The following METAP2 variants were observed in gnomAD, a reference collection of about 807,000 sequenced individuals.
METAP2 encodes methionyl aminopeptidase 2.
A neutral mutation model predicts 59.4 loss-of-function variants in METAP2; 25 were observed. That is an observed-to-expected ratio of 0.42 (90% CI 0.31 to 0.59). The LOEUF (loss-of-function observed/expected upper bound fraction) is 0.59, where lower values mean the gene tolerates loss of function less well. Among genes scored for constraint, METAP2 ranks in the 20% least tolerant of loss-of-function variants. The pLI is 0.16. For synonymous variants in METAP2, 214 were observed against 194.1 expected, an observed-to-expected ratio of 1.10 and a Z score of -0.85; for missense variants, 366 against 581.2, an observed-to-expected ratio of 0.63 and a Z score of 3.81.
chr12:95,501,760 T>G (rs1456862903), intron 7 of METAP2, among the ~76,000 whole-genome samples: 1 of 150,390 alleles, frequency 6.6e-6, no homozygotes, highest in Non-Finnish European at 1.5e-5. Flanking sequence ...TTAAGTCATG[T>G]GGAAAACAAA....
chr12:95,476,543 G>GAAAGA (rs1242677322), intron 2 of METAP2, among the ~76,000 whole-genome samples: 1 of 139,872 alleles, frequency 7.1e-6, no homozygotes, highest in African/African-American at 2.8e-5. Context: ...AGAAAGAAAA[G>GAAAGA]CTAGAAAATG....
intron 2 of METAP2, among the ~76,000 whole-genome samples, chr12:95,479,700 C>G (rs1022464852): frequency 1.6e-4 from 24 of 151,778 alleles, no homozygotes; most frequent in African/African-American, 5.6e-4. Flanking sequence ...CCTCTGCCTT[C>G]CGGGTTCCAG....
At chr12:95,496,169 G>A (rs2076274063) in intron 7 of METAP2, 71 bp downstream of exon 7, 3 of 952,660 alleles carry the variant, frequency 3.1e-6, no homozygotes, top group South Asian at 3.2e-5. Context: ...ACACTTAACA[G>A]CATTTAAGCA....
intron 4 of METAP2, among the ~76,000 whole-genome samples, chr12:95,486,781 G>A (rs1386288525): frequency 1.3e-5 from 2 of 152,154 alleles, no homozygotes; most frequent in Non-Finnish European, 2.9e-5. Flanking sequence ...ACAGGCATGA[G>A]CCACTGCGCC....
chr12:95,512,148 G>A, intron 9 of METAP2, 150 bp downstream of exon 9: 1 of 602,758 alleles, frequency 1.7e-6, no homozygotes, highest in Non-Finnish European at 2.9e-6. Flanking sequence ...ATTTGAATTT[G>A]CAAATTGTGT....
In METAP2 at chr12:95,515,446, C is replaced by A. The variant is rs976635508; in HGVS notation, c.*1542C>A. The A allele has an allele frequency of 6.6e-6, 1 of 152,224 alleles. No individual in the cohort carries two copies. The highest frequency in any genetic ancestry group is 1.5e-5 in the Non-Finnish European group (1 of 68,050). The allele number at this position is 152,224 out of a possible 1,614,324, so 9.4% of individuals were successfully genotyped here. ...TGTCAGGGCTGGGCCCTCCAGCTAG[C>A]TCCTTTGGGGTTGAGTCCGTATCTT... On this transcript the variant is annotated 3_prime_UTR_variant, in exon 11 of 11. Coordinates refer to ENST00000323666, the MANE Select transcript of METAP2 (RefSeq NM_006838.4).
intron 4 of METAP2, among the ~76,000 whole-genome samples, chr12:95,493,364 C>T (rs2076253628): frequency 6.6e-6 from 1 of 152,276 alleles, no homozygotes; most frequent in Non-Finnish European, 1.5e-5. Flanking sequence ...CACCTGTATA[C>T]TCCCAGCTGC....
rs200641499 is a variant in METAP2, at chr12:95,514,062, G to A, written c.*158G>A. On this transcript the variant is annotated 3_prime_UTR_variant, in exon 11 of 11. Transcript: ENST00000323666. ...GAAGGAATTTGGACAAAGGCAAACC[G>A]TCTAATGTAATTAACCAACGAAAAA... The A allele has an allele frequency of 2.2e-5, 19 of 859,550 alleles. No homozygotes were observed. The highest frequency in any genetic ancestry group is 1.0e-4 in the Admixed American group (3 of 28,586). The allele number at this position is 859,550 out of a possible 1,614,324, so 53.2% of individuals were successfully genotyped here.
Position 95,514,881 on chromosome 12 carries a change from G to A in METAP2, c.*977G>A, listed in dbSNP as rs201238882. 15 of 150,766 alleles carry A rather than the reference G, an allele frequency of 9.9e-5. No homozygotes were observed. Among genetic ancestry groups the A allele is most frequent in the African/African-American group, 3.6e-4 (15 of 41,506 alleles). 9.3% of individuals were successfully genotyped at this position (150,766 alleles called of 1,614,324 possible). A position where few individuals can be genotyped will look rare whatever the true frequency, so the allele number is the denominator to read the frequency against. On this transcript the variant is annotated 3_prime_UTR_variant, in exon 11 of 11. Coordinates refer to ENST00000323666, the MANE Select transcript of METAP2 (RefSeq NM_006838.4). Reference sequence around the variant, plus strand: ...TGCTGTAATACCTTCCCCTTTGACAGGTTTGGATTCTTAACATTACTAGTG... The same window carrying A: ...TGCTGTAATACCTTCCCCTTTGACAAGTTTGGATTCTTAACATTACTAGTG...
At chr12:95,494,867 A>G in intron 5 of METAP2, 90 bp from the exon 6 acceptor site, 1 of 1,067,500 alleles carries the variant, frequency 9.4e-7, no homozygotes, top group Non-Finnish European at 1.3e-6. Context: ...GGTTTTTAGT[A>G]AACTTTCTGG....
At chr12:95,479,039 T>C (rs937245619) in intron 2 of METAP2, among the ~76,000 whole-genome samples, 29 of 152,140 alleles carry the variant, frequency 1.9e-4, no homozygotes, top group African/African-American at 6.3e-4. Context: ...GACTGGCCAC[T>C]GCACTCCAAC....
chr12:95,479,856 G>T (rs575794163), intron 2 of METAP2, among the ~76,000 whole-genome samples: 14 of 152,226 alleles, frequency 9.2e-5, no homozygotes, highest in East Asian at 1.9e-4. Flanking sequence ...TGATCCGCCC[G>T]CCTCAGCCTC....
chr12:95,494,164 T>G lies in METAP2; in HGVS notation c.537T>G (p.Val179=). The change falls in exon 5 of 11, where the codon GTT becomes GTG. Residue 179 remains valine, a synonymous_variant. Coordinates refer to ENST00000323666, the MANE Select transcript of METAP2 (RefSeq NM_006838.4). ...FREAAEAHRQ[V]RKYVMSWIKP... is the part of the protein sequence containing the mutation. ...AAGCTGCAGAAGCACATCGACAAGT[T>G]AGAAAATACGTAATGAGCTGGATCA... 6.2e-7 allele frequency: 1 copy of G among 1,614,056 alleles called. No individual in the cohort carries two copies. The highest frequency in any genetic ancestry group is 8.5e-7 in the Non-Finnish European group (1 of 1,179,968).
chr12:95,509,104 A>G (rs1004601556), intron 8 of METAP2, among the ~76,000 whole-genome samples: 2 of 152,230 alleles, frequency 1.3e-5, no homozygotes, highest in African/African-American at 4.8e-5. Flanking sequence ...TACTGGTCCC[A>G]GAATTAGCCT....
intron 4 of METAP2, among the ~76,000 whole-genome samples, chr12:95,487,834 A>G (rs563944588): frequency 3.4e-4 from 51 of 152,134 alleles, no homozygotes; most frequent in Non-Finnish European, 6.6e-4. Flanking sequence ...GAATAGTTCT[A>G]TTATTATCTT....
At position 95,494,161 on chromosome 12, in the gene METAP2, A is replaced by G; in HGVS notation, c.534A>G (p.Gln178=). The G allele has an allele frequency of 6.2e-7, 1 of 1,614,124 alleles. No homozygotes were observed. Among genetic ancestry groups the G allele is most frequent in the Non-Finnish European group, 8.5e-7 (1 of 1,179,982 alleles). Residue 178 remains glutamine (Q), a synonymous_variant, in exon 5 of 11, where the codon CAA becomes CAG. Coordinates refer to ENST00000323666, the MANE Select transcript of METAP2 (RefSeq NM_006838.4). ...DFREAAEAHR[Q]VRKYVMSWIK... ...GAGAAGCTGCAGAAGCACATCGACAAGTTAGAAAATACGTAATGAGCTGGA... is the reference window on the plus strand; with the variant it reads ...GAGAAGCTGCAGAAGCACATCGACAGGTTAGAAAATACGTAATGAGCTGGA...
intron 10 of METAP2, among the ~76,000 whole-genome samples, chr12:95,513,362 T>G (rs2076418832): frequency 2.6e-5 from 4 of 152,128 alleles, no homozygotes; most frequent in Admixed American, 2.6e-4. Context: ...CACATCATAA[T>G]ACCCTGTAGT....
In METAP2 at chr12:95,487,079, A is replaced by T. The variant is rs570792230; in HGVS notation, c.428+1098A>T. ...CATAAAATGGGCACTCTGCAGGGTC[A>T]TTGTGAGGAATGATATATGCATAGC... On this transcript the variant is annotated intron_variant, in intron 4 of 10. Transcript: ENST00000323666. Among the ~76,000 whole-genome samples the T allele has an allele frequency of 3.3e-5, 5 of 152,330 alleles. No homozygotes were observed. The South Asian group carries it at 8.3e-4, about 25-fold the overall frequency.
chr12:95,493,560 A>G (rs527589739), intron 4 of METAP2, among the ~76,000 whole-genome samples: 1 of 152,346 alleles, frequency 6.6e-6, no homozygotes, highest in Non-Finnish European at 1.5e-5. Context: ...TATGTATACA[A>G]TTAGGAAAAC....
Sources: allele counts gnomAD v4.1 joint callset (sites outside exome capture counted in the v4.1 genomes callset), GRCh38; gene constraint gnomAD v4.1.1; transcripts MANE v1.5; gene names NCBI Gene and HGNC (gene_info 2026-07-23, HGNC 2026-07-21).